PCDH15: variants seen among roughly 807,000 people sequenced by gnomAD.
PCDH15 encodes protocadherin related 15.
In PCDH15, 129 loss-of-function variants were observed where a neutral mutation model predicts 178.5. The ratio of observed to expected loss-of-function variants is 0.72; its 90% CI spans 0.63 to 0.84. PCDH15 has a LOEUF of 0.84. PCDH15 is among the 40% of genes least tolerant of loss of function. The probability of loss-of-function intolerance (pLI) is 0.00; values close to 1 mark genes in which losing one functional copy is unlikely to be tolerated. For synonymous variants in PCDH15, 800 were observed against 732.0 expected, an observed-to-expected ratio of 1.09 and a Z score of -1.50; for missense variants, 2,230 against 2,099.9, an observed-to-expected ratio of 1.06 and a Z score of -1.21.
intron 8 of PCDH15, among the ~76,000 whole-genome samples, chr10:54,268,477 C>A (rs568262967): frequency 6.6e-6 from 1 of 151,764 alleles, no homozygotes; most frequent in Non-Finnish European, 1.5e-5. Context: ...TGTTCTATTG[C>A]AAATATGAAA....
At chr10:53,834,984 A>G (rs369297648) in intron 29 of PCDH15, among the ~76,000 whole-genome samples, 1 of 152,228 alleles carries the variant, frequency 6.6e-6, no homozygotes, top group Non-Finnish European at 1.5e-5. Flanking sequence ...GCAGTGGTTA[A>G]CATATCTACC....
At chr10:55,533,195 C>G (rs1474587241) in intron 2 of PCDH15, among the ~76,000 whole-genome samples, 1 of 152,036 alleles carries the variant, frequency 6.6e-6, no homozygotes, top group East Asian at 1.9e-4. Flanking sequence ...TCTTACACTC[C>G]TATTTAGCAT....
At chr10:54,904,845 G>T (rs1046722801) in intron 2 of PCDH15, among the ~76,000 whole-genome samples, 23 of 150,384 alleles carry the variant, frequency 1.5e-4, no homozygotes, top group Non-Finnish European at 7.4e-5. Flanking sequence ...AGGTCAAGAG[G>T]TAAAGTGTGG....
chr10:54,509,823 C>T (rs1310600303), intron 3 of PCDH15, among the ~76,000 whole-genome samples: 4 of 152,144 alleles, frequency 2.6e-5, no homozygotes, highest in Admixed American at 6.6e-5. Flanking sequence ...TTCTCAAGTG[C>T]TAATAACTTG....
chr10:54,378,639 A>T, intron 4 of PCDH15, 143 bp downstream of exon 4: 2 of 902,518 alleles, frequency 2.2e-6, no homozygotes, highest in Non-Finnish European at 3.3e-6. Context: ...ATTCTTCTTT[A>T]AATGAGTTAA....
At chr10:54,988,742 C>A (rs1319878904) in intron 2 of PCDH15, among the ~76,000 whole-genome samples, 1 of 152,118 alleles carries the variant, frequency 6.6e-6, no homozygotes, top group African/African-American at 2.4e-5. Flanking sequence ...GGAAGCAGAG[C>A]ATTAAGTTCA....
chr10:54,287,481 T>G (rs1407770984), intron 8 of PCDH15, among the ~76,000 whole-genome samples: 2 of 152,204 alleles, frequency 1.3e-5, no homozygotes, highest in Non-Finnish European at 2.9e-5. Flanking sequence ...CTCTGTTACT[T>G]TGGTGGGCCA....
intron 8 of PCDH15, among the ~76,000 whole-genome samples, chr10:54,255,448 A>G (rs969505645): frequency 1.3e-5 from 2 of 152,234 alleles, no homozygotes; most frequent in South Asian, 4.1e-4. Context: ...TGCTCTTGTG[A>G]TGAAGTGTTT....
chr10:53,992,479 G>T (rs995579338), intron 21 of PCDH15, among the ~76,000 whole-genome samples: 1 of 152,080 alleles, frequency 6.6e-6, no homozygotes, highest in Non-Finnish European at 1.5e-5. Flanking sequence ...TACAAATAAT[G>T]CTTCACTTGT....
chr10:55,467,840 C>T (rs1023111082), intron 2 of PCDH15, among the ~76,000 whole-genome samples: 2 of 151,366 alleles, frequency 1.3e-5, no homozygotes, highest in African/African-American at 4.9e-5. Context: ...GAGGCGGGCA[C>T]CTGTAGTCCC....
At chr10:54,664,951 T>C (rs965490782) in intron 1 of PCDH15, among the ~76,000 whole-genome samples, 3 of 151,510 alleles carry the variant, frequency 2.0e-5, no homozygotes, top group Non-Finnish European at 4.4e-5. Flanking sequence ...ATTGAGAAAT[T>C]AGTGGCCTGT....
rs559983002 is a variant in PCDH15 at position 54,935,566 on chromosome 10, C to A, written c.-79-38066G>T. Reference sequence around the variant, plus strand: ...ACCTCTGGTAACTTCATTTTTCTTTCCTTGCTAACCTTTGCTTGCCCCAAA... The same window carrying A: ...ACCTCTGGTAACTTCATTTTTCTTTACTTGCTAACCTTTGCTTGCCCCAAA... On this transcript the variant is annotated intron_variant, in intron 2 of 5. Coordinates refer to the PCDH15 transcript ENST00000458638. Among the ~76,000 whole-genome samples, 9 of 152,156 alleles carry A rather than the reference C, an allele frequency of 5.9e-5. 1 individual carries two copies. The South Asian group carries it at 1.7e-3, about 28-fold the overall frequency.
At chr10:54,042,337 C>T (rs2135526152) in intron 18 of PCDH15, among the ~76,000 whole-genome samples, 2 of 152,072 alleles carry the variant, frequency 1.3e-5, no homozygotes, top group South Asian at 4.2e-4. Flanking sequence ...ATGCAGACAA[C>T]CTAAATAGGA....
intron 21 of PCDH15, among the ~76,000 whole-genome samples, chr10:53,982,727 G>C (rs1052486594): frequency 1.3e-5 from 2 of 150,288 alleles, no homozygotes; most frequent in African/African-American, 4.9e-5. Context: ...GCTAAATGAC[G>C]AGTTAATGGG....
At chr10:55,334,114 T>C (rs1844289656) in intron 2 of PCDH15, among the ~76,000 whole-genome samples, 2 of 150,286 alleles carry the variant, frequency 1.3e-5, no homozygotes. Flanking sequence ...GGTATAGGTA[T>C]AGTCAGTGTG....
At chr10:54,254,749 ACTT>A (rs2056769701) in intron 8 of PCDH15, among the ~76,000 whole-genome samples, 1 of 152,194 alleles carries the variant, frequency 6.6e-6, no homozygotes, top group Admixed American at 6.5e-5. Flanking sequence ...AGAGGTGACT[ACTT>A]TAACCACAGC....
chr10:55,068,112 T>G (rs1031283000), intron 2 of PCDH15, among the ~76,000 whole-genome samples: 1 of 152,112 alleles, frequency 6.6e-6, no homozygotes, highest in African/African-American at 2.4e-5. Context: ...CCATTTTTGT[T>G]TTATTTGCCT....
intron 18 of PCDH15, among the ~76,000 whole-genome samples, chr10:54,027,947 G>A (rs948729991): frequency 2.2e-4 from 34 of 151,330 alleles, no homozygotes; most frequent in African/African-American, 5.8e-4. Context: ...AAATGGGATC[G>A]AATTAAACTC....
At chr10:55,332,087 A>C (rs1844216680) in intron 2 of PCDH15, among the ~76,000 whole-genome samples, 1 of 152,160 alleles carries the variant, frequency 6.6e-6, no homozygotes, top group African/African-American at 2.4e-5. Context: ...TTATTTTTCT[A>C]TGTAAATGTC....
Sources: gnomAD v4.1 joint callset for allele counts (sites outside exome capture counted in the v4.1 genomes callset) on GRCh38, gnomAD v4.1.1 for gene constraint, MANE v1.5 for transcripts, NCBI Gene and HGNC (gene_info 2026-07-23, HGNC 2026-07-21) for gene names.